The following ATM variants were observed in gnomAD, a reference collection of about 807,000 sequenced individuals.
The protein encoded by ATM is serine-protein kinase ATM.
ATM carries 308 observed loss-of-function variants against 387.0 expected under a neutral mutation model. That is an observed-to-expected ratio of 0.80 (90% CI 0.73 to 0.87). The LOEUF is 0.87. Ranked by LOEUF, ATM falls within the 40% of genes least tolerant of loss-of-function variation. The pLI is 0.00. For missense variants in ATM, 3,312 were observed against 3,560.9 expected, an observed-to-expected ratio of 0.93 and a Z score of 1.78; for synonymous variants, 1,156 against 1,187.3, an observed-to-expected ratio of 0.97 and a Z score of 0.54.
Position 108,271,414 on chromosome 11 carries a change from C to G in ATM, c.3077+8C>G, listed in dbSNP as rs752601608. 5 of 1,613,814 alleles carry G rather than the reference C, an allele frequency of 3.1e-6. No homozygotes were observed. Among genetic ancestry groups the G allele is most frequent in the Non-Finnish European group, 4.2e-6 (5 of 1,179,982 alleles). On this transcript the variant is annotated splice_region_variant and intron_variant, in intron 20 of 62. Transcript: ENST00000675843. ...AGTAATTGGAGCATTTTGGTAGGTA[C>G]AGTCTATTTTGTGGTCCTATTTTTC...
chr11:108,330,534 C>G, intron 50 of ATM, 113 bp downstream of exon 50: 2 of 1,047,632 alleles, frequency 1.9e-6, no homozygotes, highest in African/African-American at 3.1e-5. Context: ...TGGTCCAGTG[C>G]TCTACACATA....
intron 31 of ATM, among the ~76,000 whole-genome samples, chr11:108,293,888 A>AT (rs1389525920): frequency 0.016 from 1,684 of 108,188 alleles, 13 homozygotes; most frequent in Admixed American, 0.034. Flanking sequence ...AAAAAAAAAA[A>AT]AAAAAAATAT....
intron 15 of ATM, among the ~76,000 whole-genome samples, chr11:108,258,371 AT>A (rs1157141838): frequency 6.6e-6 from 1 of 152,206 alleles, no homozygotes; most frequent in Non-Finnish European, 1.5e-5. Flanking sequence ...TGACTCTTTT[AT>A]TCCTGGGACA....
chr11:108,296,033 AGTCTT>A (rs1347961091), intron 32 of ATM: 16 of 152,148 alleles, frequency 1.1e-4, no homozygotes, highest in Non-Finnish European at 1.9e-4. Context: ...CATACAAGTT[AGTCTT>A]GTCTTCTAGT....
In ATM at chr11:108,345,751, A is replaced by G. The variant is rs538173062; in HGVS notation, c.8427A>G (p.Gln2809=). Residue 2809 remains glutamine, a synonymous_variant, in exon 58 of 63, where the codon CAA becomes CAG. Transcript: ENST00000675843. ...ATATTCTCTATTTAAAGGAGGTGCA[A>G]AAAAAGTCTTTTGAAGAGAAATATG... ...FQCQKKMMEV[Q]KKSFEEKYEV... is the part of the protein sequence containing the mutation. The G allele has an allele frequency of 2.1e-5, 34 of 1,610,708 alleles. No homozygotes were observed. The East Asian group carries it at 7.1e-4, about 34-fold the overall frequency.
chr11:108,293,250 TTTG>T (rs2082905429), intron 30 of ATM, 60 bp from the exon 31 acceptor site: 4 of 1,059,332 alleles, frequency 3.8e-6, no homozygotes, highest in Non-Finnish European at 5.4e-6. Flanking sequence ...TACAGTAAGT[TTTG>T]TTGGCTTACT....
rs1555059450 is a variant in ATM at position 108,235,801 on chromosome 11, T to A, written c.463T>A (p.Tyr155Asn). 6.2e-7 allele frequency: 1 copy of A among 1,613,890 alleles called. No individual in the cohort carries two copies. Among genetic ancestry groups the A allele is most frequent in the Non-Finnish European group, 8.5e-7 (1 of 1,179,880 alleles). ...CAAAGACATTCTTTCTGTGAGAAAA[T>A]ACTGGTGTGAAATATCTCAGCAACA... ...LLKDILSVRK[Y>N]WCEISQQQWL... The change falls in exon 5 of 63, where the codon TAC becomes AAC. Residue 155 changes from tyrosine to asparagine, a missense_variant. Coordinates refer to ENST00000675843, the MANE Select transcript of ATM (RefSeq NM_000051.4).
chr11:108,306,843 CT>C (rs2083727390), intron 37 of ATM, among the ~76,000 whole-genome samples: 1 of 152,090 alleles, frequency 6.6e-6, no homozygotes, highest in Non-Finnish European at 1.5e-5. Context: ...AAATGTGTAC[CT>C]TTTTGACAAA....
At position 108,302,842 on chromosome 11, in the gene ATM, T is replaced by C. The variant is rs1400116769; in HGVS notation, c.5320-11T>C. 1.2e-6 allele frequency: 2 copies of C among 1,605,098 alleles called. No homozygotes were observed. Among genetic ancestry groups the C allele is most frequent in the East Asian group, 4.5e-5 (2 of 44,740 alleles). ...TCTCTTATTTACATTTTCTAATCCC[T>C]TTCTTTCTAGTTTTTAGAAGTACCC... On this transcript the variant is annotated splice_polypyrimidine_tract_variant and intron_variant, in intron 35 of 62. Coordinates refer to ENST00000675843, the MANE Select transcript of ATM (RefSeq NM_000051.4).
intron 38 of ATM, chr11:108,309,089 G>T: frequency 7.2e-7 from 1 of 1,382,020 alleles, no homozygotes; most frequent in South Asian, 1.2e-5. Context: ...AAGTATGAAT[G>T]GGATATAGAA....
At chr11:108,254,335 A>G (rs1224331664) in intron 13 of ATM, among the ~76,000 whole-genome samples, 1 of 152,198 alleles carries the variant, frequency 6.6e-6, no homozygotes, top group Non-Finnish European at 1.5e-5. Context: ...GATGAAAAAA[A>G]CCTCTAAATA....
Position 108,366,695 on chromosome 11 carries a change from A to G in ATM, c.*1187A>G. On this transcript the variant is annotated 3_prime_UTR_variant, in exon 63 of 63. Coordinates refer to ENST00000675843, the MANE Select transcript of ATM (RefSeq NM_000051.4). The stretch of plus-strand genomic sequence containing the variant: ...TACCTGAAGTGTAGCATAAATACTG[A>G]TAGGAGATTTCCCAGGCCAAGGCAA... 4.3e-6 allele frequency: 1 copy of G among 231,456 alleles called. No homozygotes were observed. Among genetic ancestry groups the G allele is most frequent in the Non-Finnish European group, 8.6e-6 (1 of 116,912 alleles). 14.3% of individuals were successfully genotyped at this position (231,456 alleles called of 1,614,324 possible). A position where few individuals can be genotyped will look rare whatever the true frequency, so the allele number is the denominator to read the frequency against.
rs1555121079 is a variant in ATM, at chr11:108,327,730, C to T, written c.7061C>T (p.Ala2354Val). 1 of 1,613,764 alleles carries T rather than the reference C, an allele frequency of 6.2e-7. No individual in the cohort carries two copies. The highest frequency in any genetic ancestry group is 8.5e-7 in the Non-Finnish European group (1 of 1,179,808). Reference protein sequence around the residue: ...WLAETCLENPAVIMQTYLEKA... With the variant: ...WLAETCLENPVVIMQTYLEKA... ...GCAGAAACGTGCTTAGAAAATCCTG[C>T]GGTCATCATGCAGACCTATCTAGAA... The change falls in exon 48 of 63, where the codon GCG becomes GTG. Residue 2354 changes from alanine to valine, a missense_variant. Physicochemically the swap from Ala to Val is moderately conservative, Grantham distance 64. Around this residue, in one of 4 missense-constraint regions of ATM, gnomAD observed 1,405 missense variants for 1,604.4 expected, o/e 0.88. Coordinates refer to ENST00000675843, the MANE Select transcript of ATM (RefSeq NM_000051.4).
chr11:108,337,939 C>T (rs2087033690), intron 56 of ATM, among the ~76,000 whole-genome samples: 1 of 152,236 alleles, frequency 6.6e-6, no homozygotes, highest in Admixed American at 6.5e-5. Flanking sequence ...CACAAAAAAG[C>T]AAATGCCTGA....
intron 16 of ATM, among the ~76,000 whole-genome samples, chr11:108,266,089 A>T (rs936353438): frequency 1.3e-4 from 19 of 151,674 alleles, no homozygotes; most frequent in Non-Finnish European, 2.4e-4. Flanking sequence ...TTCCTCAGGG[A>T]TCTAGAACTG....
intron 8 of ATM, among the ~76,000 whole-genome samples, chr11:108,247,403 T>TTCGAC (rs2072720529): frequency 6.6e-6 from 1 of 152,192 alleles, no homozygotes; most frequent in African/African-American, 2.4e-5. Flanking sequence ...AATGATTCGA[T>TTCGAC]TCGACTCGAC....
intron 18 of ATM, among the ~76,000 whole-genome samples, chr11:108,270,259 C>T (rs1408251598): frequency 1.3e-5 from 2 of 152,154 alleles, no homozygotes; most frequent in East Asian, 3.9e-4. Flanking sequence ...TTTTTGACTT[C>T]TTCCCTGCCC....
At chr11:108,310,938 A>G (rs1346335019) in intron 39 of ATM, among the ~76,000 whole-genome samples, 1 of 152,148 alleles carries the variant, frequency 6.6e-6, no homozygotes, top group Non-Finnish European at 1.5e-5. Flanking sequence ...ATAAAGTAAA[A>G]CACTTTATTA....
At chr11:108,274,784 A>G (rs1019921656) in intron 22 of ATM, among the ~76,000 whole-genome samples, 24 of 152,116 alleles carry the variant, frequency 1.6e-4, no homozygotes, top group South Asian at 2.1e-4. Flanking sequence ...TTTACTTTCA[A>G]TTATGTGGTC....
Sources: allele counts gnomAD v4.1 joint callset (sites outside exome capture counted in the v4.1 genomes callset), GRCh38; gene constraint gnomAD v4.1.1; regional missense constraint gnomAD v4.1.1; transcripts MANE v1.5; gene names NCBI Gene and HGNC (gene_info 2026-07-23, HGNC 2026-07-21).